INPP4B: variants seen among roughly 807,000 people sequenced by gnomAD.
INPP4B encodes inositol polyphosphate-4-phosphatase type II B.
A neutral mutation model predicts 122.5 loss-of-function variants in INPP4B; 55 were observed. The ratio of observed to expected loss-of-function variants is 0.45; its 90% CI spans 0.36 to 0.56. The LOEUF is 0.56. Ranked by LOEUF, INPP4B falls within the 20% of genes least tolerant of loss-of-function variation. The probability of loss-of-function intolerance (pLI) is 0.00; values close to 1 mark genes in which losing one functional copy is unlikely to be tolerated. For synonymous variants in INPP4B, 403 were observed against 388.7 expected, an observed-to-expected ratio of 1.04 and a Z score of -0.43; for missense variants, 1,000 against 1,097.7, an observed-to-expected ratio of 0.91 and a Z score of 1.26.
intron 7 of INPP4B, among the ~76,000 whole-genome samples, chr4:142,344,595 T>C (rs1779720839): frequency 6.6e-6 from 1 of 152,046 alleles, no homozygotes; most frequent in African/African-American, 2.4e-5. Context: ...CTTAAAGATA[T>C]TACTTGACAA....
At chr4:142,773,467 G>A (rs1426411086) in intron 1 of INPP4B, among the ~76,000 whole-genome samples, 1 of 151,990 alleles carries the variant, frequency 6.6e-6, no homozygotes, top group African/African-American at 2.4e-5. Flanking sequence ...CTACACATAT[G>A]CACACACACA....
chr4:142,617,761 T>A (rs1296780234), intron 2 of INPP4B, among the ~76,000 whole-genome samples: 1 of 151,992 alleles, frequency 6.6e-6, no homozygotes, highest in Non-Finnish European at 1.5e-5. Flanking sequence ...ATAGTTACAA[T>A]ATAAATCCTA....
intron 2 of INPP4B, among the ~76,000 whole-genome samples, chr4:142,633,147 G>T (rs190621298): frequency 6.6e-6 from 1 of 151,760 alleles, no homozygotes; most frequent in African/African-American, 2.4e-5. Flanking sequence ...AATTGCTAAC[G>T]ACAAAAAGGA....
chr4:142,352,002 T>G (rs952094121), intron 7 of INPP4B, among the ~76,000 whole-genome samples: 4 of 151,984 alleles, frequency 2.6e-5, no homozygotes, highest in African/African-American at 9.7e-5. Context: ...CTGCCAGATA[T>G]TCTATAAATA....
Position 142,569,094 on chromosome 4 carries a change from A to T in INPP4B, c.-190-106368T>A, listed in dbSNP as rs368856076. ...CCTGTATGAATAATAATGGGAAATA[A>T]TATTTGCTACATTGCACACAATTGT... On this transcript the variant is annotated intron_variant, in intron 2 of 25. Coordinates refer to ENST00000262992, the MANE Select transcript of INPP4B (RefSeq NM_001101669.3). Among the ~76,000 whole-genome samples, 13 of 152,236 alleles carry T rather than the reference A, an allele frequency of 8.5e-5. No individual in the cohort carries two copies. The East Asian group carries it at 1.5e-3, about 18-fold the overall frequency.
chr4:142,657,199 AT>A (rs1378197368), intron 2 of INPP4B, among the ~76,000 whole-genome samples: 1 of 152,134 alleles, frequency 6.6e-6, no homozygotes, highest in African/African-American at 2.4e-5. Context: ...TGGATCTAAC[AT>A]TTTTTAGAGG....
At chr4:142,524,343 G>A (rs1430714542) in intron 2 of INPP4B, among the ~76,000 whole-genome samples, 1 of 151,900 alleles carries the variant, frequency 6.6e-6, no homozygotes, top group East Asian at 1.9e-4. Flanking sequence ...TTTAATGATT[G>A]CCATTCTAAC....
At chr4:142,093,613 C>G (rs1780536226) in intron 23 of INPP4B, among the ~76,000 whole-genome samples, 1 of 152,060 alleles carries the variant, frequency 6.6e-6, no homozygotes, top group African/African-American at 2.4e-5. Context: ...ACTGTACTAG[C>G]AAGCAGACAA....
intron 2 of INPP4B, among the ~76,000 whole-genome samples, chr4:142,589,887 A>AG (rs1418860035): frequency 1.3e-5 from 2 of 152,068 alleles, no homozygotes; most frequent in Non-Finnish European, 2.9e-5. Context: ...GACCTTTGAT[A>AG]GAAAAACAGA....
intron 23 of INPP4B, among the ~76,000 whole-genome samples, chr4:142,086,771 T>C (rs1465095093): frequency 6.6e-6 from 1 of 152,182 alleles, no homozygotes; most frequent in African/African-American, 2.4e-5. Flanking sequence ...ATTCTCTCAT[T>C]CTCTATTCTG....
intron 5 of INPP4B, among the ~76,000 whole-genome samples, chr4:142,428,904 G>A (rs559380075): frequency 1.3e-5 from 2 of 152,078 alleles, no homozygotes; most frequent in African/African-American, 2.4e-5. Context: ...CAGTCACTAC[G>A]TTAGACTGAG....
chr4:142,511,391 A>G (rs1299238455), intron 2 of INPP4B, among the ~76,000 whole-genome samples: 1 of 152,172 alleles, frequency 6.6e-6, no homozygotes, highest in Non-Finnish European at 1.5e-5. Context: ...AAGGCAAATA[A>G]TCTGCTTGTC....
chr4:142,408,771 C>A (rs1465517254), intron 5 of INPP4B, among the ~76,000 whole-genome samples: 2 of 152,148 alleles, frequency 1.3e-5, no homozygotes, highest in African/African-American at 2.4e-5. Flanking sequence ...AATGCTACTG[C>A]AATCCTTCAT....
intron 12 of INPP4B, among the ~76,000 whole-genome samples, chr4:142,212,783 A>G (rs1845463026): frequency 6.6e-6 from 1 of 151,868 alleles, no homozygotes; most frequent in African/African-American, 2.4e-5. Flanking sequence ...TAGTGCAAAT[A>G]CCACAAGTGG....
At position 142,351,181 on chromosome 4, in the gene INPP4B, G is replaced by A. The variant is rs541128093; in HGVS notation, c.373-36419C>T. Among the ~76,000 whole-genome samples, 12 of 151,992 alleles carry A rather than the reference G, an allele frequency of 7.9e-5. No individual in the cohort carries two copies. The South Asian group carries it at 2.5e-3, about 32-fold the overall frequency. ...TGTTCCCTCTGCAGAATGAATTTCA[G>A]GTCTATGGGTCTTGTCCAAGTTCAC... On this transcript the variant is annotated intron_variant, in intron 7 of 25. Coordinates refer to ENST00000262992, the MANE Select transcript of INPP4B (RefSeq NM_001101669.3).
At chr4:142,725,057 AAACTGTCTG>A (rs1765161797) in intron 2 of INPP4B, among the ~76,000 whole-genome samples, 1 of 152,104 alleles carries the variant, frequency 6.6e-6, no homozygotes, top group Non-Finnish European at 1.5e-5. Flanking sequence ...TCAAAATTCT[AAACTGTCTG>A]AAACTTTTCT....
intron 2 of INPP4B, among the ~76,000 whole-genome samples, chr4:142,613,800 G>C (rs1291259810): frequency 6.6e-6 from 1 of 152,124 alleles, no homozygotes; most frequent in Non-Finnish European, 1.5e-5. Flanking sequence ...GCCTCATGGT[G>C]CATATTACTC....
chr4:142,523,702 A>C (rs1350404126), intron 2 of INPP4B, among the ~76,000 whole-genome samples: 1 of 151,242 alleles, frequency 6.6e-6, no homozygotes, highest in East Asian at 2.0e-4. Context: ...ACATGTGCAC[A>C]TTGTGCAGGT....
chr4:142,766,189 T>TA (rs1772092602), intron 1 of INPP4B, among the ~76,000 whole-genome samples: 1 of 152,152 alleles, frequency 6.6e-6, no homozygotes, highest in Non-Finnish European at 1.5e-5. Flanking sequence ...TTGTAGGGTG[T>TA]GCCTATCAGT....
Sources: allele counts gnomAD v4.1 joint callset (sites outside exome capture counted in the v4.1 genomes callset), GRCh38; gene constraint gnomAD v4.1.1; transcripts MANE v1.5; gene names NCBI Gene and HGNC (gene_info 2026-07-23, HGNC 2026-07-21).